The following LRRIQ3 variants were observed in gnomAD, a reference collection of about 807,000 sequenced individuals.
The protein encoded by LRRIQ3 is leucine-rich repeat and IQ domain-containing protein 3.
LRRIQ3 carries 75 observed loss-of-function variants against 59.3 expected under a neutral mutation model. The ratio of observed to expected loss-of-function variants is 1.26; its 90% CI spans 1.05 to 1.53. The LOEUF (loss-of-function observed/expected upper bound fraction) is 1.53. LRRIQ3 is among the 40% of genes most tolerant of loss of function. The pLI is 0.00. For missense variants in LRRIQ3, 831 were observed against 710.0 expected, an observed-to-expected ratio of 1.17 and a Z score of -1.94; for synonymous variants, 250 against 231.3, an observed-to-expected ratio of 1.08 and a Z score of -0.73.
In LRRIQ3 at chr1:74,181,905, A is replaced by C. The variant is rs530069455; in HGVS notation, c.573+633T>G. 4.6e-5 allele frequency: 7 copies of C among 151,884 alleles called. No individual in the cohort carries two copies. The South Asian group carries it at 1.4e-3, about 31-fold the overall frequency. The allele number at this position is 151,884 out of a possible 1,614,324, so 9.4% of individuals were successfully genotyped here. On this transcript the variant is annotated intron_variant, in intron 3 of 7. Coordinates refer to ENST00000354431, the MANE Select transcript of LRRIQ3 (RefSeq NM_001105659.2). ...ATATGTGACTTCACATATCTTTAGA[A>C]CATATTACAAACATTTCCTGCAACT...
At chr1:74,146,986 A>C (rs1398127623) in intron 4 of LRRIQ3, among the ~76,000 whole-genome samples, 3 of 152,164 alleles carry the variant, frequency 2.0e-5, no homozygotes, top group African/African-American at 4.8e-5. Flanking sequence ...CCAGCACTTT[A>C]GGAGGACAAG....
chr1:74,187,131 G>A (rs947290508), intron 1 of LRRIQ3, among the ~76,000 whole-genome samples: 2 of 152,084 alleles, frequency 1.3e-5, no homozygotes, highest in Admixed American at 6.6e-5. Flanking sequence ...ATTCCTTAAG[G>A]AACTAAAGGT....
intron 6 of LRRIQ3, among the ~76,000 whole-genome samples, chr1:74,060,221 GTTCTTC>G (rs773201991): frequency 0.02 from 1,091 of 53,602 alleles, 11 homozygotes; most frequent in African/African-American, 0.035. Context: ...TCTTCTTCTT[GTTCTTC>G]TTCTTCTTCT....
chr1:74,115,470 A>G (rs565603391), intron 4 of LRRIQ3, among the ~76,000 whole-genome samples: 3 of 152,162 alleles, frequency 2.0e-5, no homozygotes, highest in Non-Finnish European at 4.4e-5. Context: ...TTCAGGAATT[A>G]TCTGGTTGCC....
intron 4 of LRRIQ3, among the ~76,000 whole-genome samples, chr1:74,125,042 T>A (rs1646915735): frequency 6.6e-6 from 1 of 151,974 alleles, no homozygotes; most frequent in Non-Finnish European, 1.5e-5. Context: ...TTCATCAATG[T>A]TTTAAGTTTT....
intron 7 of LRRIQ3, among the ~76,000 whole-genome samples, chr1:74,031,070 TC>T (rs1465100404): frequency 1.3e-5 from 2 of 152,166 alleles, no homozygotes; most frequent in Admixed American, 1.3e-4. Context: ...AGATATCATC[TC>T]ACACCAGTTA....
At chr1:74,059,740 A>G (rs1654647239) in intron 6 of LRRIQ3, among the ~76,000 whole-genome samples, 1 of 152,042 alleles carries the variant, frequency 6.6e-6, no homozygotes, top group Non-Finnish European at 1.5e-5. Context: ...AAGAAAAAGC[A>G]TTGAAATTTT....
Position 74,041,951 on chromosome 1 carries a change from A to G in LRRIQ3, c.998-18T>C. On this transcript the variant is annotated intron_variant, in intron 6 of 7. Coordinates refer to ENST00000354431, the MANE Select transcript of LRRIQ3 (RefSeq NM_001105659.2). ...CTCCTGACCTACATCAAACAGAAGC[A>G]AATATTATACATTATACAAGAGCTA... 6.4e-7 allele frequency: 1 copy of G among 1,567,152 alleles called. No homozygotes were observed. Among genetic ancestry groups the G allele is most frequent in the Non-Finnish European group, 8.6e-7 (1 of 1,160,932 alleles).
chr1:74,050,837 A>G (rs902665705), intron 6 of LRRIQ3, among the ~76,000 whole-genome samples: 2 of 152,196 alleles, frequency 1.3e-5, no homozygotes. Context: ...TAGATGCAAA[A>G]AGTTCACTTA....
At chr1:74,077,569 T>C (rs1400966132) in intron 5 of LRRIQ3, among the ~76,000 whole-genome samples, 1 of 152,020 alleles carries the variant, frequency 6.6e-6, no homozygotes, top group Non-Finnish European at 1.5e-5. Flanking sequence ...GCTAGTTAGC[T>C]CCTTTTAGAA....
chr1:74,036,768 G>T (rs1653886012), intron 7 of LRRIQ3, among the ~76,000 whole-genome samples: 1 of 152,006 alleles, frequency 6.6e-6, no homozygotes, highest in East Asian at 1.9e-4. Flanking sequence ...ATTACTACTT[G>T]AATTATTTGA....
At chr1:74,028,129 C>G (rs944686857) in intron 7 of LRRIQ3, among the ~76,000 whole-genome samples, 1 of 151,988 alleles carries the variant, frequency 6.6e-6, no homozygotes, top group Non-Finnish European at 1.5e-5. Flanking sequence ...CAAGAACTGG[C>G]ATCAATCTAA....
chr1:74,114,417 A>C (rs993865146), intron 4 of LRRIQ3, among the ~76,000 whole-genome samples: 3 of 152,064 alleles, frequency 2.0e-5, no homozygotes, highest in African/African-American at 7.2e-5. Flanking sequence ...ATAAATATGA[A>C]GTAGACAAGA....
chr1:74,060,185 C>CTTT (rs1453535959), intron 6 of LRRIQ3, among the ~76,000 whole-genome samples: 1 of 141,758 alleles, frequency 7.1e-6, no homozygotes, highest in African/African-American at 2.7e-5. Flanking sequence ...TCTTCTTCTT[C>CTTT]TTTTTCTTCT....
intron 4 of LRRIQ3, among the ~76,000 whole-genome samples, chr1:74,125,171 A>C (rs1460600221): frequency 6.6e-6 from 1 of 151,890 alleles, no homozygotes; most frequent in Non-Finnish European, 1.5e-5. Context: ...CACTGTTGGC[A>C]TACAGAAATG....
At chr1:74,126,239 CTCT>C (rs555340014) in intron 4 of LRRIQ3, among the ~76,000 whole-genome samples, 127 of 151,750 alleles carry the variant, frequency 8.4e-4, no homozygotes, top group African/African-American at 3.0e-3. Flanking sequence ...TGGGTCTTCT[CTCT>C]TTTTTTCTTG....
chr1:74,148,960 ATGGTGTTATTT>A (rs1272374738), intron 4 of LRRIQ3, among the ~76,000 whole-genome samples: 1 of 152,180 alleles, frequency 6.6e-6, no homozygotes, highest in East Asian at 1.9e-4. Context: ...AGGAATGCCC[ATGGTGTTATTT>A]TCCTCTTTTA....
intron 3 of LRRIQ3, among the ~76,000 whole-genome samples, chr1:74,168,114 C>T (rs940837380): frequency 1.3e-5 from 2 of 151,774 alleles, no homozygotes; most frequent in Non-Finnish European, 2.9e-5. Flanking sequence ...TAATAGGGTG[C>T]TCGTATTTTC....
chr1:74,134,389 C>T (rs545526571), intron 4 of LRRIQ3, among the ~76,000 whole-genome samples: 58 of 152,152 alleles, frequency 3.8e-4, no homozygotes, highest in African/African-American at 1.4e-3. Flanking sequence ...AAAGGTACTA[C>T]TATGGCATAG....
Sources: allele counts gnomAD v4.1 joint callset (sites outside exome capture counted in the v4.1 genomes callset), GRCh38; gene constraint gnomAD v4.1.1; transcripts MANE v1.5; gene names NCBI Gene and HGNC (gene_info 2026-07-23, HGNC 2026-07-21).